BICC1: variants seen among roughly 807,000 people sequenced by gnomAD.
BICC1 encodes the protein BicC family RNA binding protein 1.
BICC1 carries 43 observed loss-of-function variants against 111.0 expected under a neutral mutation model. The ratio of observed to expected loss-of-function variants is 0.39; its 90% confidence interval spans 0.30 to 0.50. The LOEUF (loss-of-function observed/expected upper bound fraction) is 0.50, where lower values mean the gene tolerates loss of function less well. Ranked by LOEUF, BICC1 falls within the 20% of genes least tolerant of loss-of-function variation. BICC1 has a pLI of 0.88. For missense variants in BICC1, 1,091 were observed against 1,203.2 expected (o/e 0.91, Z 1.38); for synonymous variants, 467 against 434.4 (o/e 1.07, Z -0.93).
intron 1 of BICC1, among the ~76,000 whole-genome samples, chr10:58,525,476 A>G (rs2131837480): frequency 7.7e-6 from 1 of 129,920 alleles, no homozygotes; most frequent in East Asian, 2.5e-4. Flanking sequence ...AAAACCAAAC[A>G]CCGCATGTTC....
intron 3 of BICC1, among the ~76,000 whole-genome samples, chr10:58,757,095 G>A (rs188830888): frequency 2.0e-3 from 297 of 152,180 alleles, no homozygotes; most frequent in Admixed American, 8.2e-3. Context: ...TTTATAATAC[G>A]GGATGCTGAA....
At chr10:58,655,049 T>C (rs10740746) in intron 2 of BICC1, among the ~76,000 whole-genome samples, 126,000 of 131,372 alleles carry the variant, frequency 0.96, 60,666 homozygotes, top group Non-Finnish European at 1. Flanking sequence ...TATATCTCTG[T>C]TTTGGTACCA....
At chr10:58,573,157 G>A (rs939154467) in intron 1 of BICC1, among the ~76,000 whole-genome samples, 5 of 151,998 alleles carry the variant, frequency 3.3e-5, no homozygotes, top group Admixed American at 3.3e-4. Flanking sequence ...TTCCCTCTCT[G>A]CTTTCTCCAG....
chr10:58,532,156 T>C (rs1842698430), intron 1 of BICC1, among the ~76,000 whole-genome samples: 1 of 151,632 alleles, frequency 6.6e-6, no homozygotes, highest in Non-Finnish European at 1.5e-5. Context: ...ACAAAAATCT[T>C]AAGGGCAACA....
chr10:58,536,578 C>T lies in BICC1; in HGVS notation c.190+23245C>T, dbSNP rs545444723. On this transcript the variant is annotated intron_variant, in intron 1 of 20. Transcript: ENST00000373886. The stretch of plus-strand genomic sequence containing the variant: ...ACACAGCAAAAGCAGTGTTAAGAGG[C>T]GTTTATAGCACTAAATACCTACATC... Among the ~76,000 whole-genome samples, 101 of 151,690 alleles carry T rather than the reference C, an allele frequency of 6.7e-4. 1 individual carries two copies. The highest frequency in any genetic ancestry group is 2.2e-3 in the African/African-American group (91 of 41,452).
intron 1 of BICC1, among the ~76,000 whole-genome samples, chr10:58,521,081 G>C (rs1237606834): frequency 1.3e-5 from 2 of 152,096 alleles, no homozygotes; most frequent in Non-Finnish European, 2.9e-5. Context: ...TGAAGAACAT[G>C]GTTTCCGGTG....
At chr10:58,637,558 CT>C (rs1489716895) in intron 2 of BICC1, among the ~76,000 whole-genome samples, 1 of 152,216 alleles carries the variant, frequency 6.6e-6, no homozygotes, top group African/African-American at 2.4e-5. Flanking sequence ...CTCACGCACG[CT>C]TTGCTTTCAG....
chr10:58,751,249 C>T (rs747568337), intron 3 of BICC1, among the ~76,000 whole-genome samples: 16 of 152,192 alleles, frequency 1.1e-4, no homozygotes, highest in African/African-American at 3.6e-4. Context: ...TTAACTGAAA[C>T]GTTCCTTTTT....
At chr10:58,691,191 A>G (rs886929589) in intron 2 of BICC1, among the ~76,000 whole-genome samples, 2 of 152,218 alleles carry the variant, frequency 1.3e-5, no homozygotes, top group African/African-American at 4.8e-5. Flanking sequence ...TTAAGTATAC[A>G]GTACAGTGTT....
intron 18 of BICC1, 186 bp downstream of exon 18, chr10:58,814,172 C>G: frequency 1.4e-6 from 1 of 703,736 alleles, no homozygotes; most frequent in Non-Finnish European, 2.5e-6. Context: ...TTTCCTCTCA[C>G]TCCATTTTGT....
chr10:58,571,776 T>C (rs917618775), intron 1 of BICC1, among the ~76,000 whole-genome samples: 10 of 152,174 alleles, frequency 6.6e-5, no homozygotes, highest in Admixed American at 1.3e-4. Context: ...TCTTTGCTAT[T>C]GTGAAAAATG....
chr10:58,651,757 A>G (rs1838456481), intron 2 of BICC1, among the ~76,000 whole-genome samples: 1 of 152,190 alleles, frequency 6.6e-6, no homozygotes, highest in South Asian at 2.1e-4. Flanking sequence ...TTAACCTGCT[A>G]CATAAAATAG....
At chr10:58,801,524 C>T (rs192339576) in intron 14 of BICC1, among the ~76,000 whole-genome samples, 40 of 152,104 alleles carry the variant, frequency 2.6e-4, no homozygotes, top group Non-Finnish European at 2.9e-4. Context: ...GTTATAAATA[C>T]ATAAGTTGTA....
intron 1 of BICC1, among the ~76,000 whole-genome samples, chr10:58,527,518 A>G (rs999201224): frequency 6.6e-6 from 1 of 152,060 alleles, no homozygotes; most frequent in Non-Finnish European, 1.5e-5. Flanking sequence ...CCTGAATAGT[A>G]TTGTCTAGGT....
At chr10:58,608,746 A>G (rs747748771) in intron 1 of BICC1, among the ~76,000 whole-genome samples, 1 of 152,228 alleles carries the variant, frequency 6.6e-6, no homozygotes, top group Non-Finnish European at 1.5e-5. Context: ...GCCCAGAGTT[A>G]TGCCACTGGT....
At chr10:58,668,666 G>A (rs1839091051) in intron 2 of BICC1, among the ~76,000 whole-genome samples, 1 of 152,032 alleles carries the variant, frequency 6.6e-6, no homozygotes, top group Non-Finnish European at 1.5e-5. Flanking sequence ...ATTTGTTGAT[G>A]ATCGTTACTT....
Position 58,609,861 on chromosome 10 carries a change from T to C in BICC1, c.191-10994T>C, listed in dbSNP as rs140471323. Among the ~76,000 whole-genome samples the C allele has an allele frequency of 3.3e-4, 50 of 152,278 alleles. 1 individual carries two copies. In the East Asian group the frequency reaches 9.1e-3, roughly 28 times the overall value. On this transcript the variant is annotated intron_variant, in intron 1 of 20. Coordinates refer to ENST00000373886, the MANE Select transcript of BICC1 (RefSeq NM_001080512.3). Reference sequence around the variant, plus strand: ...TGGTAAAGGGTTAGGGTTGTTTTTCTAAAAAAACATTGAAATTATGTAAAT... The same window carrying C: ...TGGTAAAGGGTTAGGGTTGTTTTTCCAAAAAAACATTGAAATTATGTAAAT...
chr10:58,578,937 C>A (rs1462950133), intron 1 of BICC1, among the ~76,000 whole-genome samples: 1 of 152,156 alleles, frequency 6.6e-6, no homozygotes, highest in East Asian at 1.9e-4. Context: ...CTTGGCAGTG[C>A]CTTTTAAGAT....
chr10:58,563,880 A>T, intron 1 of BICC1, among the ~76,000 whole-genome samples: 1 of 146,536 alleles, frequency 6.8e-6, no homozygotes. Flanking sequence ...TGCCGTGAAA[A>T]GTAGATTGCA....
Sources: gnomAD v4.1 joint callset for allele counts (sites outside exome capture counted in the v4.1 genomes callset) on GRCh38, gnomAD v4.1.1 for gene constraint, MANE v1.5 for transcripts, NCBI Gene and HGNC (gene_info 2026-07-23, HGNC 2026-07-21) for gene names.